Variants in GLT1D1 observed in about 807,000 individuals in gnomAD.
The protein encoded by GLT1D1 is glycosyltransferase 1 domain containing 1.
Under a neutral mutation model 28.7 loss-of-function variants are expected in GLT1D1, and 21 were observed. That is an observed-to-expected ratio of 0.73 (90% CI 0.52 to 1.05). The LOEUF is 1.05. GLT1D1 is among the 50% of genes least tolerant of loss of function. The pLI, the probability that GLT1D1 is intolerant of heterozygous loss-of-function variation, is 0.00. For missense variants in GLT1D1, 343 were observed against 330.6 expected, an observed-to-expected ratio of 1.04 and a Z score of -0.29; for synonymous variants, 147 against 124.8, an observed-to-expected ratio of 1.18 and a Z score of -1.19.
At position 128,872,985 on chromosome 12, in the gene GLT1D1, T is replaced by A. The variant is rs139477381; in HGVS notation, c.69-2929T>A. On this transcript the variant is annotated intron_variant, in intron 1 of 7. Coordinates refer to ENST00000281703, the MANE Select transcript of GLT1D1 (RefSeq NM_144669.3). ...ATCATGGCTCACTGCAGCCTTGAAT[T>A]CCTGGACTCATCGATCCTCCCATCT... 2.6e-4 allele frequency among the ~76,000 whole-genome samples: 39 copies of A among 152,210 alleles called. No homozygotes were observed. In the East Asian group the frequency reaches 7.6e-3, roughly 29 times the overall value.
chr12:128,909,994 A>G (rs1871349909), intron 4 of GLT1D1, among the ~76,000 whole-genome samples: 1 of 152,260 alleles, frequency 6.6e-6, no homozygotes, highest in Admixed American at 6.5e-5. Context: ...CATATAGAAA[A>G]TGTTTTTCAA....
At chr12:128,887,608 A>T (rs73440306) in intron 2 of GLT1D1, among the ~76,000 whole-genome samples, 7,472 of 152,110 alleles carry the variant, frequency 0.049, 596 homozygotes, top group African/African-American at 0.17. Flanking sequence ...GCCTTGCTGG[A>T]GCCATGTGTA....
intron 7 of GLT1D1, among the ~76,000 whole-genome samples, chr12:128,970,340 C>T (rs540314413): frequency 6.6e-6 from 1 of 152,338 alleles, no homozygotes; most frequent in East Asian, 1.9e-4. Flanking sequence ...CCCCACTTCC[C>T]ATCTGTCCCA....
intron 4 of GLT1D1, among the ~76,000 whole-genome samples, chr12:128,908,361 TTTTC>T (rs138746931): frequency 2.5e-5 from 3 of 120,052 alleles, no homozygotes; most frequent in African/African-American, 5.9e-5. Context: ...TCTTTCTTTC[TTTTC>T]TTTCTTTCTT....
Position 128,909,392 on chromosome 12 carries a change from T to C in GLT1D1, c.375+10105T>C, listed in dbSNP as rs147713165. ...AGAGTAGAGGGAGGAAAAAAGACAC[T>C]GTGACCTTGAAAAGTGCCCAATTTC... is the stretch of plus-strand genomic sequence containing the variant. On this transcript the variant is annotated intron_variant, in intron 4 of 7. Transcript: ENST00000281703. Among the ~76,000 whole-genome samples, 140 of 152,160 alleles carry C rather than the reference T, an allele frequency of 9.2e-4. 1 individual carries two copies. The highest frequency in any genetic ancestry group is 3.2e-3 in the African/African-American group (132 of 41,516).
chr12:128,899,365 T>A, intron 4 of GLT1D1, 78 bp downstream of exon 4: 1 of 1,183,906 alleles, frequency 8.4e-7, no homozygotes, highest in Non-Finnish European at 1.3e-6. Context: ...GCAGCCTTAC[T>A]GAGCTGACAG....
At chr12:128,960,077 C>T (rs1877778864) in intron 7 of GLT1D1, among the ~76,000 whole-genome samples, 1 of 152,148 alleles carries the variant, frequency 6.6e-6, no homozygotes, top group African/African-American at 2.4e-5. Flanking sequence ...GTCATTTCTG[C>T]GAGTTACCGG....
At chr12:128,942,047 CTT>C (rs1416396233) in intron 4 of GLT1D1, among the ~76,000 whole-genome samples, 2 of 150,232 alleles carry the variant, frequency 1.3e-5, no homozygotes, top group Admixed American at 6.7e-5. Flanking sequence ...TTCCTGGAGA[CTT>C]AGCTTCATTT....
At chr12:128,893,062 T>C (rs1016541675) in intron 3 of GLT1D1, among the ~76,000 whole-genome samples, 1 of 151,954 alleles carries the variant, frequency 6.6e-6, no homozygotes. Flanking sequence ...CTGGCCAACA[T>C]GGGGAAACTC....
chr12:128,855,875 C>T (rs917125915), intron 1 of GLT1D1, among the ~76,000 whole-genome samples: 9 of 151,238 alleles, frequency 6.0e-5, no homozygotes, highest in African/African-American at 1.2e-4. Flanking sequence ...CCTTACCTTC[C>T]GGAGTAGCTG....
At chr12:128,884,841 C>T (rs1202775388) in intron 2 of GLT1D1, among the ~76,000 whole-genome samples, 2 of 150,578 alleles carry the variant, frequency 1.3e-5, no homozygotes, top group African/African-American at 4.9e-5. Flanking sequence ...ATTGCTAAGA[C>T]AGTAGTAGGT....
At chr12:128,874,121 T>TTCCTTCCTTTCTTTCTTCCTTC (rs1956803945) in intron 1 of GLT1D1, among the ~76,000 whole-genome samples, 1 of 55,674 alleles carries the variant, frequency 1.8e-5, no homozygotes, top group African/African-American at 6.8e-5. Context: ...TCTCTCTCTC[T>TTCCTTCCTTTCTTTCTTCCTTC]CTCTCTTTCT....
intron 4 of GLT1D1, among the ~76,000 whole-genome samples, chr12:128,903,021 CAAA>C (rs34692166): frequency 1.1e-4 from 13 of 114,994 alleles, no homozygotes; most frequent in African/African-American, 1.4e-4. Context: ...GACTCCGTCT[CAAA>C]AAAAAAAAAA....
At chr12:128,946,807 C>T (rs1967587) in intron 5 of GLT1D1, among the ~76,000 whole-genome samples, 109,485 of 151,388 alleles carry the variant, frequency 0.72, 39,760 homozygotes, top group Non-Finnish European at 0.76. Flanking sequence ...CACCACCACG[C>T]CTGGCTAATA....
intron 7 of GLT1D1, among the ~76,000 whole-genome samples, chr12:128,971,980 G>A (rs1011236193): frequency 1.4e-5 from 2 of 142,948 alleles, no homozygotes; most frequent in South Asian, 2.4e-4. Flanking sequence ...CACTTTATAC[G>A]GGAGAATGGT....
intron 4 of GLT1D1, among the ~76,000 whole-genome samples, chr12:128,908,898 G>C (rs1043138308): frequency 6.6e-6 from 1 of 152,122 alleles, no homozygotes; most frequent in Non-Finnish European, 1.5e-5. Context: ...GCAGTGAGCC[G>C]AGATCGCGCC....
intron 1 of GLT1D1, among the ~76,000 whole-genome samples, chr12:128,871,999 T>C (rs1593060206): frequency 6.6e-6 from 1 of 152,320 alleles, no homozygotes; most frequent in South Asian, 2.1e-4. Context: ...TCGCCCAGGC[T>C]GGAGTGCAGT....
chr12:128,943,900 C>T (rs980198106), intron 4 of GLT1D1, among the ~76,000 whole-genome samples: 1 of 152,182 alleles, frequency 6.6e-6, no homozygotes, highest in Non-Finnish European at 1.5e-5. Context: ...CCCCCAATGA[C>T]ATGTAACTTT....
At chr12:128,912,306 C>A (rs757358502) in intron 4 of GLT1D1, 118 bp from the exon 5 acceptor site, 71 of 594,452 alleles carry the variant, frequency 1.2e-4, no homozygotes, top group Non-Finnish European at 2.0e-4. Flanking sequence ...GTAGATGATT[C>A]TCAGTGATGT....
Sources: allele counts gnomAD v4.1 joint callset (sites outside exome capture counted in the v4.1 genomes callset), GRCh38; gene constraint gnomAD v4.1.1; transcripts MANE v1.5; gene names NCBI Gene and HGNC (gene_info 2026-07-23, HGNC 2026-07-21).